PTPRD: variants seen among roughly 807,000 people sequenced by gnomAD.
PTPRD encodes the protein protein tyrosine phosphatase receptor type D, also known as receptor-type tyrosine-protein phosphatase delta.
In PTPRD, 34 loss-of-function variants were observed where a neutral mutation model predicts 214.5. The ratio of observed to expected loss-of-function variants is 0.16; its 90% CI spans 0.12 to 0.21. The LOEUF (loss-of-function observed/expected upper bound fraction) is 0.21, where lower values mean the gene tolerates loss of function less well. Among genes scored for constraint, PTPRD ranks in the 10% least tolerant of loss-of-function variants. The pLI is 1.00. For synonymous variants in PTPRD, 1,128 were observed against 845.7 expected (o/e 1.33, Z -5.79); for missense variants, 2,545 against 2,398.7 (o/e 1.06, Z -1.27).
At chr9:10,006,977 T>C (rs938501630) in intron 4 of PTPRD, among the ~76,000 whole-genome samples, 1 of 151,998 alleles carries the variant, frequency 6.6e-6, no homozygotes, top group African/African-American at 2.4e-5. Context: ...ATTGGTATAA[T>C]AGCAATAATT....
At chr9:9,821,436 T>G (rs187360739) in intron 5 of PTPRD, among the ~76,000 whole-genome samples, 74 of 152,300 alleles carry the variant, frequency 4.9e-4, no homozygotes, top group Admixed American at 1.0e-3. Flanking sequence ...GACCAATACA[T>G]CCATTATGTT....
chr9:9,924,772 A>G (rs1169080854), intron 5 of PTPRD, among the ~76,000 whole-genome samples: 1 of 152,078 alleles, frequency 6.6e-6, no homozygotes, highest in Non-Finnish European at 1.5e-5. Context: ...TCCCTTTGAC[A>G]GATACTTGAA....
At chr9:9,738,279 C>CA (rs2098335930) in intron 6 of PTPRD, among the ~76,000 whole-genome samples, 3 of 151,640 alleles carry the variant, frequency 2.0e-5, no homozygotes, top group Non-Finnish European at 4.4e-5. Flanking sequence ...ACAACAACAA[C>CA]AAAAAATCAT....
chr9:9,131,006 C>T (rs1472183692), intron 10 of PTPRD, among the ~76,000 whole-genome samples: 2 of 151,742 alleles, frequency 1.3e-5, no homozygotes, highest in African/African-American at 4.8e-5. Context: ...TTTTCTAATA[C>T]AAGATTTTTT....
At chr9:9,349,757 G>GTTTT (rs60320413) in intron 9 of PTPRD, among the ~76,000 whole-genome samples, 105 of 147,278 alleles carry the variant, frequency 7.1e-4, no homozygotes, top group Middle Eastern at 3.5e-3. Flanking sequence ...CCCATCACAT[G>GTTTT]TTTTTTTTTT....
chr9:10,366,800 T>C (rs1164437776), intron 2 of PTPRD, among the ~76,000 whole-genome samples: 1 of 152,080 alleles, frequency 6.6e-6, no homozygotes, highest in African/African-American at 2.4e-5. Flanking sequence ...ATACGTGCAC[T>C]AAAAAAACTC....
chr9:10,493,548 G>T (rs1247066992), intron 2 of PTPRD, among the ~76,000 whole-genome samples: 1 of 152,042 alleles, frequency 6.6e-6, no homozygotes, highest in Non-Finnish European at 1.5e-5. Context: ...CTAGCCATAT[G>T]CAGAAAACTG....
intron 12 of PTPRD, among the ~76,000 whole-genome samples, chr9:8,731,750 G>A (rs185625384): frequency 6.6e-6 from 1 of 152,124 alleles, no homozygotes; most frequent in African/African-American, 2.4e-5. Context: ...TAAAAGATAT[G>A]GTTAAATTTT....
chr9:9,703,916 A>ACT (rs1324188379), intron 7 of PTPRD, among the ~76,000 whole-genome samples: 1 of 152,034 alleles, frequency 6.6e-6, no homozygotes, highest in Admixed American at 6.6e-5. Flanking sequence ...ATAGGGTCTC[A>ACT]CTCTGTTACT....
intron 27 of PTPRD, chr9:8,486,575 G>C: frequency 1.5e-6 from 1 of 673,994 alleles, no homozygotes; most frequent in Non-Finnish European, 2.7e-6. Context: ...ACACAAAACA[G>C]AAATTATCAT....
chr9:9,265,260 T>C (rs907453618), intron 9 of PTPRD, among the ~76,000 whole-genome samples: 3 of 151,536 alleles, frequency 2.0e-5, no homozygotes, highest in Admixed American at 1.3e-4. Context: ...TATTGACTTG[T>C]GTTTATTTAT....
At chr9:10,015,084 C>G (rs577501404) in intron 4 of PTPRD, among the ~76,000 whole-genome samples, 13 of 152,246 alleles carry the variant, frequency 8.5e-5, no homozygotes, top group African/African-American at 2.6e-4. Context: ...GTATGGAACT[C>G]TCACCACCTA....
At chr9:9,613,388 G>T (rs2094649129) in intron 7 of PTPRD, among the ~76,000 whole-genome samples, 1 of 151,908 alleles carries the variant, frequency 6.6e-6, no homozygotes, top group Non-Finnish European at 1.5e-5. Context: ...GAGTTCTAAT[G>T]ATAATTGCCT....
At chr9:10,246,513 G>A (rs547481177) in intron 3 of PTPRD, among the ~76,000 whole-genome samples, 1 of 152,120 alleles carries the variant, frequency 6.6e-6, no homozygotes, top group Non-Finnish European at 1.5e-5. Flanking sequence ...CAAAGTCCTG[G>A]GGGTGCGGTG....
chr9:9,070,624 A>G (rs2099742344), intron 10 of PTPRD, among the ~76,000 whole-genome samples: 2 of 152,214 alleles, frequency 1.3e-5, no homozygotes, highest in Admixed American at 1.3e-4. Flanking sequence ...AAATAAAAGC[A>G]ATAAGCACTT....
intron 8 of PTPRD, among the ~76,000 whole-genome samples, chr9:9,517,034 ATG>A: frequency 6.6e-6 from 1 of 151,586 alleles, no homozygotes; most frequent in African/African-American, 2.4e-5. Flanking sequence ...TTGCAGTGAA[ATG>A]AAACCATATC....
At chr9:9,911,427 G>A (rs1367271688) in intron 5 of PTPRD, among the ~76,000 whole-genome samples, 2 of 147,396 alleles carry the variant, frequency 1.4e-5, no homozygotes, top group Non-Finnish European at 3.0e-5. Flanking sequence ...ATTTAGAAAC[G>A]CAAATACACA....
chr9:9,579,884 A>T (rs588996), intron 7 of PTPRD, among the ~76,000 whole-genome samples: 51,208 of 151,836 alleles, frequency 0.34, 9,012 homozygotes, highest in African/African-American at 0.41. Flanking sequence ...TTCCATTGTC[A>T]ATCAACCCAA....
intron 5 of PTPRD, among the ~76,000 whole-genome samples, chr9:9,818,665 C>T (rs139164913): frequency 1.3e-5 from 2 of 151,954 alleles, no homozygotes; most frequent in Non-Finnish European, 2.9e-5. Flanking sequence ...TGCCTGTAAT[C>T]CCAGCACTTT....
Sources: gnomAD v4.1 joint callset for allele counts (sites outside exome capture counted in the v4.1 genomes callset) on GRCh38, gnomAD v4.1.1 for gene constraint, MANE v1.5 for transcripts, NCBI Gene and HGNC (gene_info 2026-07-23, HGNC 2026-07-21) for gene names.